TNNT3: variants seen among roughly 807,000 people sequenced by gnomAD.
TNNT3 encodes troponin T, fast skeletal muscle.
TNNT3 carries 36 observed loss-of-function variants against 54.2 expected under a neutral mutation model. The ratio of observed to expected loss-of-function variants is 0.66; its 90% CI spans 0.51 to 0.88. TNNT3 has a LOEUF of 0.88. Ranked by LOEUF, TNNT3 falls within the 40% of genes least tolerant of loss-of-function variation. The probability of loss-of-function intolerance (pLI) is 0.00; values close to 1 mark genes in which losing one functional copy is unlikely to be tolerated. For missense variants in TNNT3, 291 were observed against 331.6 expected, an observed-to-expected ratio of 0.88 and a Z score of 0.95; for synonymous variants, 120 against 109.7, an observed-to-expected ratio of 1.09 and a Z score of -0.59.
At chr11:1,925,138 G>T (rs779773464) in intron 5 of TNNT3, 22 bp downstream of exon 5, 1 of 1,611,688 alleles carries the variant, frequency 6.2e-7, no homozygotes, top group Admixed American at 1.7e-5. Flanking sequence ...CCAAGGCCCC[G>T]GCCCCCATGC....
At chr11:1,930,295 C>T (rs1193760637) in intron 8 of TNNT3, among the ~76,000 whole-genome samples, 2 of 152,206 alleles carry the variant, frequency 1.3e-5, no homozygotes, top group Admixed American at 6.5e-5. Flanking sequence ...CACCAAGCCC[C>T]GCCATACTTC....
At chr11:1,936,110 G>A in intron 14 of TNNT3, 3 of 1,351,102 alleles carry the variant, frequency 2.2e-6, no homozygotes, top group East Asian at 4.7e-5. Context: ...GGGCCCCCAG[G>A]GGCTCCAGAG....
intron 14 of TNNT3, among the ~76,000 whole-genome samples, chr11:1,936,550 A>C (rs1855114406): frequency 6.6e-6 from 1 of 152,174 alleles, no homozygotes; most frequent in Non-Finnish European, 1.5e-5. Flanking sequence ...GCCCAGGAGC[A>C]GCAGGGCCGT....
At position 1,938,429 on chromosome 11, in the gene TNNT3, C is replaced by T. The variant is rs1855783557; in HGVS notation, c.723-9C>T. 12 of 1,613,176 alleles carry T rather than the reference C, an allele frequency of 7.4e-6. No homozygotes were observed. The highest frequency in any genetic ancestry group is 9.3e-6 in the Non-Finnish European group (11 of 1,179,872). ...TGACCCTGAAGGATCACTTGCTTCC[C>T]ATTTGCAGCAGCAAGAAGGCTGGGA... On this transcript the variant is annotated splice_polypyrimidine_tract_variant and intron_variant, in intron 15 of 15. Coordinates refer to ENST00000278317, the MANE Select transcript of TNNT3 (RefSeq NM_006757.4).
chr11:1,928,647 G>T (rs1413453292), intron 6 of TNNT3, among the ~76,000 whole-genome samples: 4 of 152,180 alleles, frequency 2.6e-5, no homozygotes, highest in Non-Finnish European at 5.9e-5. Context: ...TCCATGAACT[G>T]CTGGGTTCCA....
chr11:1,934,929 G>T lies in TNNT3; in HGVS notation c.681+10G>T. The T allele has an allele frequency of 6.2e-7, 1 of 1,612,760 alleles. No individual in the cohort carries two copies. Among genetic ancestry groups the T allele is most frequent in the South Asian group, 1.1e-5 (1 of 91,076 alleles). Reference sequence around the variant, plus strand: ...ACGCCAGAAATATGACGTGAGTCCCGGCACCTCCGGCCCTGGGGCCCTAGC... The same window carrying T: ...ACGCCAGAAATATGACGTGAGTCCCTGCACCTCCGGCCCTGGGGCCCTAGC... On this transcript the variant is annotated intron_variant, in intron 14 of 15. Transcript: ENST00000278317.
At chr11:1,938,328 TG>T in intron 15 of TNNT3, 109 bp from the exon 16 acceptor site, 2 of 1,226,036 alleles carry the variant, frequency 1.6e-6, no homozygotes, top group Non-Finnish European at 2.4e-6. Flanking sequence ...GCCGGGCCTG[TG>T]CCCTGAGAGC....
At chr11:1,933,891 C>T (rs780129942) in intron 10 of TNNT3, 40 bp from the exon 11 acceptor site, 1 of 1,612,258 alleles carries the variant, frequency 6.2e-7, no homozygotes, top group Non-Finnish European at 8.5e-7. Flanking sequence ...CTCGGAGGAG[C>T]CGGGGACAGG....
rs978316962 is a variant in TNNT3 at position 1,938,299 on chromosome 11, G to C, written c.723-139G>C. On this transcript the variant is annotated intron_variant, in intron 15 of 15. Transcript: ENST00000278317. ...TGGGCACTGCCCGGACTGAAGCTGGGTGTGGGCCGCAAGCTTGGGCCGGGC... is the reference window on the plus strand; with the variant it reads ...TGGGCACTGCCCGGACTGAAGCTGGCTGTGGGCCGCAAGCTTGGGCCGGGC... 7.7e-6 allele frequency: 7 copies of C among 911,456 alleles called. No homozygotes were observed. In the African/African-American group the frequency reaches 1.1e-4, roughly 15 times the overall value. 56.5% of individuals were successfully genotyped at this position (911,456 alleles called of 1,614,324 possible).
intron 8 of TNNT3, among the ~76,000 whole-genome samples, chr11:1,930,806 T>A (rs1853157800): frequency 6.6e-6 from 1 of 152,252 alleles, no homozygotes; most frequent in African/African-American, 2.4e-5. Flanking sequence ...GATCATGAGA[T>A]ATTTTCTCAT....
intron 10 of TNNT3, 35 bp from the exon 11 acceptor site, chr11:1,933,896 G>A: frequency 6.2e-7 from 1 of 1,612,690 alleles, no homozygotes; most frequent in South Asian, 1.1e-5. Context: ...AGGAGCCGGG[G>A]ACAGGGCTGA....
chr11:1,923,362 G>T (rs1850602597), intron 3 of TNNT3, among the ~76,000 whole-genome samples, 193 bp from the exon 4 acceptor site: 1 of 151,734 alleles, frequency 6.6e-6, no homozygotes, highest in Non-Finnish European at 1.5e-5. Context: ...CCCCCCAAAA[G>T]CCACCATCAT....
Position 1,932,378 on chromosome 11 carries a change from G to C in TNNT3, c.126-91G>C, listed in dbSNP as rs960256280. The C allele has an allele frequency of 4.7e-6, 6 of 1,274,838 alleles. No individual in the cohort carries two copies. The African/African-American group carries it at 5.9e-5, about 12-fold the overall frequency. The allele number at this position is 1,274,838 out of a possible 1,614,324, so 79.0% of individuals were successfully genotyped here. A position where few individuals can be genotyped will look rare whatever the true frequency, so the allele number is the denominator to read the frequency against. On this transcript the variant is annotated intron_variant, in intron 8 of 15. Transcript: ENST00000278317. ...GGGGCCAGAGCAGGAGGGCACCAGG[G>C]TTGGCAGGGGCCAGCGGGGAAAGCG...
chr11:1,925,249 T>C (rs1259317616), intron 5 of TNNT3, 133 bp downstream of exon 5: 1 of 1,605,832 alleles, frequency 6.2e-7, no homozygotes, highest in Non-Finnish European at 8.5e-7. Context: ...CCCCCGGCTC[T>C]CCTCAGCTGC....
rs1464767598 is a variant in TNNT3 at position 1,923,106 on chromosome 11, A to G, written c.31+45A>G. On this transcript the variant is annotated intron_variant, in intron 3 of 15. Coordinates refer to ENST00000278317, the MANE Select transcript of TNNT3 (RefSeq NM_006757.4). The stretch of plus-strand genomic sequence containing the variant: ...TCTTTCTACTTCCTGCTCTAGAAGG[A>G]AGGCTCACATGTGGGCAGGGGGCTG... 2.5e-6 allele frequency: 4 copies of G among 1,613,048 alleles called. No individual in the cohort carries two copies. The African/African-American group carries it at 4.0e-5, about 16-fold the overall frequency.
rs2292473 is a variant in TNNT3 at position 1,929,676 on chromosome 11, T to G, written c.107-134T>G. Reference sequence around the variant, plus strand: ...TCTTGTTTCTGGGGGTTGGGGGTACTCCCAGCTGAAAAGGACGGTGGCCTT... The same window carrying G: ...TCTTGTTTCTGGGGGTTGGGGGTACGCCCAGCTGAAAAGGACGGTGGCCTT... On this transcript the variant is annotated intron_variant, in intron 7 of 15. Transcript: ENST00000278317. 0.81 allele frequency: 771,374 copies of G among 957,056 alleles called. 312,140 individuals are homozygous for G. The highest frequency in any genetic ancestry group is 0.91 in the East Asian group (34,968 of 38,306). The allele number at this position is 957,056 out of a possible 1,614,324, so 59.3% of individuals were successfully genotyped here.
intron 8 of TNNT3, among the ~76,000 whole-genome samples, chr11:1,931,500 T>C (rs1589964611): frequency 6.6e-6 from 1 of 152,168 alleles, no homozygotes; most frequent in East Asian, 1.9e-4. Context: ...CTCATGATTC[T>C]TTGGCTTTGC....
chr11:1,934,567 A>G lies in TNNT3; in HGVS notation c.502A>G (p.Lys168Glu), dbSNP rs1294657235. 2 of 1,609,974 alleles carry G rather than the reference A, an allele frequency of 1.2e-6. No homozygotes were observed. Among genetic ancestry groups the G allele is most frequent in the Non-Finnish European group, 1.7e-6 (2 of 1,178,548 alleles). The stretch of plus-strand genomic sequence containing the variant: ...GCAGGCTGACCAGAAGAGAGGCAAG[A>G]AGCAGACAGCCCGGGAAATGAAGAA... Reference protein sequence around the residue: ...LAKADQKRGKKQTAREMKKKI... With the variant: ...LAKADQKRGKEQTAREMKKKI... Residue 168 changes from lysine (K) to glutamate (E), a missense_variant, in exon 13 of 16, where the codon AAG (lysine) becomes GAG (glutamate). Coordinates refer to ENST00000278317, the MANE Select transcript of TNNT3 (RefSeq NM_006757.4).
At chr11:1,926,144 CAG>C (rs1851517971) in intron 5 of TNNT3, among the ~76,000 whole-genome samples, 3 of 152,174 alleles carry the variant, frequency 2.0e-5, no homozygotes, top group South Asian at 2.1e-4. Context: ...CCAGGACAGA[CAG>C]GGGATGGGGG....
Sources: gnomAD v4.1 joint callset for allele counts (sites outside exome capture counted in the v4.1 genomes callset) on GRCh38, gnomAD v4.1.1 for gene constraint, MANE v1.5 for transcripts, NCBI Gene and HGNC (gene_info 2026-07-23, HGNC 2026-07-21) for gene names.